The following DLG2 variants were observed in gnomAD, a reference collection of about 807,000 sequenced individuals.
DLG2 encodes discs large MAGUK scaffold protein 2.
In DLG2, 45 loss-of-function variants were observed where a neutral mutation model predicts 132.5. That is an observed-to-expected ratio of 0.34 (90% CI 0.27 to 0.44). DLG2 has a LOEUF of 0.44. Among genes scored for constraint, DLG2 ranks in the 20% least tolerant of loss-of-function variants. DLG2 has a pLI of 1.00. For missense variants in DLG2, 1,045 were observed against 1,196.9 expected (o/e 0.87, Z 1.87); for synonymous variants, 424 against 419.6 (o/e 1.01, Z -0.13).
intron 6 of DLG2, among the ~76,000 whole-genome samples, chr11:84,660,193 A>C (rs2099693008): frequency 6.6e-6 from 1 of 151,924 alleles, no homozygotes; most frequent in African/African-American, 2.4e-5. Context: ...AATGGCAAAA[A>C]CCCCAGGCAA....
chr11:84,099,667 G>A (rs1467723961), intron 9 of DLG2, among the ~76,000 whole-genome samples: 1 of 151,106 alleles, frequency 6.6e-6, no homozygotes, highest in Non-Finnish European at 1.5e-5. Context: ...ATGGAAATCT[G>A]AGTAGCTTCT....
intron 26 of DLG2, among the ~76,000 whole-genome samples, chr11:83,464,631 G>A (rs960465276): frequency 6.6e-6 from 1 of 152,190 alleles, no homozygotes; most frequent in Non-Finnish European, 1.5e-5. Context: ...GGTGATAAGT[G>A]GCTGTGACAG....
At chr11:84,551,259 T>A (rs1203375067) in intron 6 of DLG2, among the ~76,000 whole-genome samples, 3 of 152,202 alleles carry the variant, frequency 2.0e-5, no homozygotes, top group Non-Finnish European at 4.4e-5. Flanking sequence ...ATTCTCCAAA[T>A]ACAATAGTGT....
intron 7 of DLG2, among the ~76,000 whole-genome samples, chr11:84,408,548 A>G (rs1304438828): frequency 6.6e-6 from 1 of 152,140 alleles, no homozygotes; most frequent in African/African-American, 2.4e-5. Context: ...CTTAAAGTCA[A>G]TCGGGGGTTA....
At chr11:83,753,653 AATATAT>A (rs200927175) in intron 18 of DLG2, among the ~76,000 whole-genome samples, 1 of 139,634 alleles carries the variant, frequency 7.2e-6, no homozygotes, top group South Asian at 2.1e-4. Context: ...TATATCAATA[AATATAT>A]ATATATTTTA....
Position 84,796,110 on chromosome 11 carries a change from G to T in DLG2, c.358-261379C>A, listed in dbSNP as rs1565984586. On this transcript the variant is annotated intron_variant, in intron 6 of 27. Transcript: ENST00000376104. ...GTACCACTAGTCAAAGAGGTTTCCAGCTGGAAAAACGATACCCCAAGTATC... is the reference window on the plus strand; with the variant it reads ...GTACCACTAGTCAAAGAGGTTTCCATCTGGAAAAACGATACCCCAAGTATC... 4.6e-5 allele frequency among the ~76,000 whole-genome samples: 7 copies of T among 152,312 alleles called. No individual in the cohort carries two copies. The South Asian group carries it at 1.4e-3, about 32-fold the overall frequency.
chr11:84,774,135 C>A (rs899913181), intron 6 of DLG2, among the ~76,000 whole-genome samples: 3 of 151,980 alleles, frequency 2.0e-5, no homozygotes, highest in African/African-American at 7.3e-5. Context: ...TTTGTAAATA[C>A]CAATAAAGTT....
intron 19 of DLG2, among the ~76,000 whole-genome samples, chr11:83,589,791 G>A (rs1204511238): frequency 4.0e-5 from 6 of 148,258 alleles, no homozygotes; most frequent in Non-Finnish European, 8.9e-5. Flanking sequence ...AAAGGATGGA[G>A]GAAGATCTAC....
intron 6 of DLG2, among the ~76,000 whole-genome samples, chr11:84,601,093 G>A (rs1243151882): frequency 2.0e-5 from 3 of 152,098 alleles, no homozygotes; most frequent in Admixed American, 6.5e-5. Context: ...TCTCTACTCT[G>A]TTATTTTTAT....
At chr11:84,246,901 C>A (rs1424653980) in intron 8 of DLG2, among the ~76,000 whole-genome samples, 2 of 151,852 alleles carry the variant, frequency 1.3e-5, no homozygotes, top group Admixed American at 6.6e-5. Context: ...TGGTTACACA[C>A]CAAAAATTGG....
intron 4 of DLG2, among the ~76,000 whole-genome samples, chr11:85,179,937 G>T (rs2079576071): frequency 6.6e-6 from 1 of 151,896 alleles, no homozygotes; most frequent in Admixed American, 6.6e-5. Flanking sequence ...GAGATTTAAA[G>T]AATTTTAGCA....
rs1396461884 is a variant in DLG2 at position 84,743,652 on chromosome 11, G to A, written c.358-208921C>T. Among the ~76,000 whole-genome samples, 4 of 152,254 alleles carry A rather than the reference G, an allele frequency of 2.6e-5. No homozygotes were observed. In the East Asian group the frequency reaches 7.7e-4, roughly 29 times the overall value. ...ATATACATTGGGGTCTTGGGAAGGA[G>A]AAATAATTTGCTATATGGATAAGTC... is the stretch of plus-strand genomic sequence containing the variant. On this transcript the variant is annotated intron_variant, in intron 6 of 27. Coordinates refer to ENST00000376104, the MANE Select transcript of DLG2 (RefSeq NM_001142699.3).
At chr11:84,442,023 T>A (rs2099018728) in intron 7 of DLG2, among the ~76,000 whole-genome samples, 2 of 152,224 alleles carry the variant, frequency 1.3e-5, no homozygotes, top group Admixed American at 6.5e-5. Context: ...TACTGTAGTC[T>A]TATAGTATAG....
chr11:85,584,368 G>A (rs2078826230), intron 3 of DLG2, among the ~76,000 whole-genome samples: 1 of 150,256 alleles, frequency 6.7e-6, no homozygotes, highest in East Asian at 1.9e-4. Flanking sequence ...GTGTGTGTGT[G>A]TGTGTGTGTG....
intron 3 of DLG2, among the ~76,000 whole-genome samples, chr11:85,343,179 T>C (rs1157794856): frequency 6.6e-6 from 1 of 152,182 alleles, no homozygotes; most frequent in Non-Finnish European, 1.5e-5. Context: ...GGTTTATGTA[T>C]TGCATTTGGT....
At chr11:83,650,807 C>G (rs746027682) in intron 18 of DLG2, among the ~76,000 whole-genome samples, 25 of 152,100 alleles carry the variant, frequency 1.6e-4, no homozygotes, top group Non-Finnish European at 3.1e-4. Flanking sequence ...GCCTCAGATC[C>G]CCTTTCAAGA....
At chr11:83,869,092 C>T (rs1468768713) in intron 16 of DLG2, among the ~76,000 whole-genome samples, 4 of 152,098 alleles carry the variant, frequency 2.6e-5, no homozygotes, top group Non-Finnish European at 2.9e-5. Context: ...CTGATCACTT[C>T]GTATATGAGA....
At chr11:84,104,473 A>C (rs1333644719) in intron 9 of DLG2, among the ~76,000 whole-genome samples, 2 of 152,104 alleles carry the variant, frequency 1.3e-5, no homozygotes, top group Admixed American at 6.6e-5. Context: ...ATCTGGTACT[A>C]TGCTCACTTG....
At chr11:83,483,796 T>C (rs2093320773) in intron 22 of DLG2, among the ~76,000 whole-genome samples, 1 of 152,192 alleles carries the variant, frequency 6.6e-6, no homozygotes, top group South Asian at 2.1e-4. Context: ...TGGAATCCAA[T>C]ATTTCTTCTC....
Sources: allele counts gnomAD v4.1 joint callset (sites outside exome capture counted in the v4.1 genomes callset), GRCh38; gene constraint gnomAD v4.1.1; transcripts MANE v1.5; gene names NCBI Gene and HGNC (gene_info 2026-07-23, HGNC 2026-07-21).